MCPH1: variants seen among roughly 807,000 people sequenced by gnomAD.
The protein encoded by MCPH1 is microcephalin 1.
Under a neutral mutation model 84.5 loss-of-function variants are expected in MCPH1, and 104 were observed. That is an observed-to-expected ratio of 1.23 (90% CI 1.05 to 1.45). The LOEUF is 1.45. Among genes scored for constraint, MCPH1 ranks in the 40% most tolerant of loss-of-function variants. The probability of loss-of-function intolerance (pLI) is 0.00; values close to 1 mark genes in which losing one functional copy is unlikely to be tolerated. For missense variants in MCPH1, 1,498 were observed against 1,005.7 expected, an observed-to-expected ratio of 1.49 and a Z score of -6.62; for synonymous variants, 514 against 366.8, an observed-to-expected ratio of 1.40 and a Z score of -4.58.
At chr8:6,625,382 T>G (rs1369953217) in intron 13 of MCPH1, 1 of 985,348 alleles carries the variant, frequency 1.0e-6, no homozygotes, top group Admixed American at 6.1e-5. Context: ...AAGCACATTG[T>G]GTCTTTTGGA....
chr8:6,499,124 C>A (rs2916717), intron 11 of MCPH1, among the ~76,000 whole-genome samples: 51,783 of 151,422 alleles, frequency 0.34, 9,323 homozygotes, highest in East Asian at 0.52. Context: ...TTGTATAATC[C>A]AGCTTTGTTA....
intron 12 of MCPH1, among the ~76,000 whole-genome samples, chr8:6,582,872 C>T (rs755376626): frequency 3.9e-5 from 6 of 152,184 alleles, no homozygotes; most frequent in Non-Finnish European, 5.9e-5. Flanking sequence ...CCACAAGTGT[C>T]GCAGCTTTTC....
intron 9 of MCPH1, among the ~76,000 whole-genome samples, chr8:6,476,423 C>G (rs1468608274): frequency 7.3e-6 from 1 of 136,236 alleles, no homozygotes; most frequent in African/African-American, 2.7e-5. Context: ...GAGCAAAACT[C>G]CATCTCAAAA....
Position 6,491,618 on chromosome 8 carries a change from C to T in MCPH1, c.2137-8234C>T, listed in dbSNP as rs550646019. On this transcript the variant is annotated intron_variant, in intron 11 of 13. Coordinates refer to ENST00000344683, the MANE Select transcript of MCPH1 (RefSeq NM_024596.5). ...TTAGGTATATCTCCTAATGCTATCC[C>T]TCCCCACTCCCCCGACCCCACAACA... Among the ~76,000 whole-genome samples, 6 of 151,988 alleles carry T rather than the reference C, an allele frequency of 3.9e-5. No homozygotes were observed. The South Asian group carries it at 1.2e-3, about 32-fold the overall frequency.
intron 12 of MCPH1, among the ~76,000 whole-genome samples, chr8:6,611,911 C>T (rs960972898): frequency 1.3e-5 from 2 of 152,210 alleles, no homozygotes; most frequent in Non-Finnish European, 2.9e-5. Context: ...AGCCACCGCG[C>T]CCGGCCTGAC....
At chr8:6,638,207 A>T (rs1289143402) in intron 13 of MCPH1, among the ~76,000 whole-genome samples, 4 of 152,234 alleles carry the variant, frequency 2.6e-5, no homozygotes, top group Non-Finnish European at 4.4e-5. Flanking sequence ...GGCTGCCTTA[A>T]GCCATGAAGC....
chr8:6,542,272 T>C (rs2922869), intron 12 of MCPH1, among the ~76,000 whole-genome samples: 61,552 of 151,906 alleles, frequency 0.41, 12,597 homozygotes, highest in African/African-American at 0.45. Context: ...CATACATTTG[T>C]CTACACATGT....
At chr8:6,492,726 A>T (rs867355006) in intron 11 of MCPH1, among the ~76,000 whole-genome samples, 1 of 99,706 alleles carries the variant, frequency 1.0e-5, no homozygotes, top group Admixed American at 1.3e-4. Flanking sequence ...ATATTAAATT[A>T]TCAAATAAAT....
intron 12 of MCPH1, among the ~76,000 whole-genome samples, chr8:6,612,515 G>T (rs1027971109): frequency 3.3e-5 from 5 of 152,138 alleles, no homozygotes; most frequent in Non-Finnish European, 7.4e-5. Context: ...GTGCTCTTCA[G>T]CACCGGTGCC....
chr8:6,465,997 C>G (rs1031020465), intron 9 of MCPH1, among the ~76,000 whole-genome samples: 1 of 151,958 alleles, frequency 6.6e-6, no homozygotes, highest in African/African-American at 2.4e-5. Flanking sequence ...CTCTGTCGCC[C>G]AGGCTGGAGT....
At chr8:6,628,487 A>C (rs1447771773) in intron 13 of MCPH1, among the ~76,000 whole-genome samples, 3 of 151,566 alleles carry the variant, frequency 2.0e-5, no homozygotes, top group South Asian at 2.1e-4. Flanking sequence ...AAAAAAAAAA[A>C]AAAAAAACAT....
chr8:6,640,105 CGTGTGT>C (rs139021455), intron 13 of MCPH1, among the ~76,000 whole-genome samples: 7 of 133,618 alleles, frequency 5.2e-5, no homozygotes, highest in East Asian at 4.3e-4. Context: ...TGTGCGCGCG[CGTGTGT>C]GTGTGTGTGC....
chr8:6,592,614 CTTTTTTTTG>C (rs1219163096), intron 12 of MCPH1, among the ~76,000 whole-genome samples: 1,905 of 65,392 alleles, frequency 0.029, 40 homozygotes, highest in African/African-American at 0.095. Flanking sequence ...GTTTTTCTTT[CTTTTTTTTG>C]TTTTTTTTTT....
chr8:6,495,203 A>C lies in MCPH1; in HGVS notation c.2137-4649A>C, dbSNP rs527563793. Among the ~76,000 whole-genome samples, 3 of 152,264 alleles carry C rather than the reference A, an allele frequency of 2.0e-5. No individual in the cohort carries two copies. In the South Asian group the frequency reaches 6.2e-4, roughly 32 times the overall value. The stretch of plus-strand genomic sequence containing the variant: ...TAAAAATTATACTATTGACATCCCC[A>C]ATTTTTTCTCCTGAAGTTCAGTATA... On this transcript the variant is annotated intron_variant, in intron 11 of 13. Coordinates refer to ENST00000344683, the MANE Select transcript of MCPH1 (RefSeq NM_024596.5).
At chr8:6,435,940 T>A in intron 4 of MCPH1, 108 bp from the exon 5 acceptor site, 1 of 1,362,328 alleles carries the variant, frequency 7.3e-7, no homozygotes, top group South Asian at 1.3e-5. Context: ...TTTTAGAATT[T>A]TTTATTACTG....
At chr8:6,637,866 T>C (rs554815528) in intron 13 of MCPH1, among the ~76,000 whole-genome samples, 1 of 152,202 alleles carries the variant, frequency 6.6e-6, no homozygotes, top group South Asian at 2.1e-4. Flanking sequence ...GATGGAGGTG[T>C]TGTGAAGTTG....
At chr8:6,408,605 A>G (rs531197025) in intron 1 of MCPH1, among the ~76,000 whole-genome samples, 118 of 148,518 alleles carry the variant, frequency 7.9e-4, no homozygotes, top group Non-Finnish European at 1.5e-3. Context: ...TGGTGCGATC[A>G]TAACTCAGCT....
intron 9 of MCPH1, among the ~76,000 whole-genome samples, chr8:6,468,602 A>G (rs1288515389): frequency 6.7e-6 from 1 of 150,134 alleles, no homozygotes; most frequent in Non-Finnish European, 1.5e-5. Context: ...TTGTTTGAAC[A>G]CTTTAGACAC....
At chr8:6,426,686 C>G (rs1049523459) in intron 3 of MCPH1, among the ~76,000 whole-genome samples, 5 of 152,172 alleles carry the variant, frequency 3.3e-5, no homozygotes, top group African/African-American at 4.8e-5. Flanking sequence ...GGGTCATTAC[C>G]CAAACTTTTC....
Sources: gnomAD v4.1 joint callset for allele counts (sites outside exome capture counted in the v4.1 genomes callset) on GRCh38, gnomAD v4.1.1 for gene constraint, MANE v1.5 for transcripts, NCBI Gene and HGNC (gene_info 2026-07-23, HGNC 2026-07-21) for gene names.